The following SMYD1 variants were observed in gnomAD, a reference collection of about 807,000 sequenced individuals.
The protein encoded by SMYD1 is SET and MYND domain containing 1.
Under a neutral mutation model 54.0 loss-of-function variants are expected in SMYD1, and 49 were observed. The observed-to-expected ratio is 0.91, with a 90% CI of 0.72 to 1.15. The LOEUF (loss-of-function observed/expected upper bound fraction) is 1.15. SMYD1 is among the 50% of genes most tolerant of loss of function. The probability of loss-of-function intolerance (pLI) is 0.00; values close to 1 mark genes in which losing one functional copy is unlikely to be tolerated. For synonymous variants in SMYD1, 269 were observed against 234.2 expected (o/e 1.15, Z -1.36); for missense variants, 653 against 639.6 (o/e 1.02, Z -0.23).
chr2:88,093,120 A>G (rs1244571651), intron 4 of SMYD1, among the ~76,000 whole-genome samples: 3 of 152,210 alleles, frequency 2.0e-5, no homozygotes. Context: ...ACTCTTTCCA[A>G]GACAGACATC....
At chr2:88,102,686 G>A (rs1674746607) in intron 6 of SMYD1, among the ~76,000 whole-genome samples, 1 of 152,198 alleles carries the variant, frequency 6.6e-6, no homozygotes, top group Admixed American at 6.5e-5. Flanking sequence ...TGGAATATGT[G>A]GTTGACTTGA....
At chr2:88,089,324 A>G (rs527285008) in intron 3 of SMYD1, among the ~76,000 whole-genome samples, 22 of 152,320 alleles carry the variant, frequency 1.4e-4, no homozygotes, top group African/African-American at 5.1e-4. Flanking sequence ...ACAGAAGCAT[A>G]CATTATAGTA....
Position 88,091,056 on chromosome 2 carries a change from G to A in SMYD1, c.573G>A (p.Gln191=). The part of the protein sequence containing the change: ...GFTLSDQRGL[Q]AVGVGIFPNL... ...CTCTCAGTGATCAGAGAGGCCTGCA[G>A]GCCGTGGGCGTAGGCATCTTCCCCA... is the stretch of plus-strand genomic sequence containing the variant. Residue 191 remains glutamine (Q), a synonymous_variant, in exon 4 of 10, where the codon CAG becomes CAA. Coordinates refer to ENST00000419482, the MANE Select transcript of SMYD1 (RefSeq NM_198274.4). 1 of 1,614,152 alleles carries A rather than the reference G, an allele frequency of 6.2e-7. No individual in the cohort carries two copies. The highest frequency in any genetic ancestry group is 8.5e-7 in the Non-Finnish European group (1 of 1,180,004).
chr2:88,106,242 G>T, intron 7 of SMYD1, 83 bp from the exon 8 acceptor site: 1 of 1,531,790 alleles, frequency 6.5e-7, no homozygotes, highest in Non-Finnish European at 8.9e-7. Flanking sequence ...ATGATTGTCT[G>T]GTATCACCAT....
chr2:88,083,647 C>T (rs140094792), intron 1 of SMYD1, among the ~76,000 whole-genome samples: 2 of 152,290 alleles, frequency 1.3e-5, no homozygotes, highest in Admixed American at 6.5e-5. Flanking sequence ...TTCTGAATAA[C>T]ACTAGTTCAC....
Position 88,105,194 on chromosome 2 carries a change from T to C in SMYD1, c.982-1131T>C, listed in dbSNP as rs148158176. On this transcript the variant is annotated intron_variant, in intron 7 of 9. Coordinates refer to ENST00000419482, the MANE Select transcript of SMYD1 (RefSeq NM_198274.4). ...ACAGGAATGGTGGTGAAGCTGCGGC[T>C]CAACTGCTTGGTTTCAGTGCTTGAT... Among the ~76,000 whole-genome samples, 477 of 152,328 alleles carry C rather than the reference T, an allele frequency of 3.1e-3. 5 individuals carry two copies. The highest frequency in any genetic ancestry group is 0.01 in the African/African-American group (433 of 41,574).
chr2:88,103,223 T>C (rs1674766668), intron 7 of SMYD1, 73 bp downstream of exon 7: 2 of 1,147,160 alleles, frequency 1.7e-6, no homozygotes, highest in African/African-American at 3.1e-5. Flanking sequence ...GGGAGGGAAG[T>C]GGCGTGAGAA....
rs1473310430 is a variant in SMYD1 at position 88,110,716 on chromosome 2, G to C, written c.*204G>C. ...TTCAAGTTAACTCTAGCCCAGCCCA[G>C]ATCAACTCCTCCTACAAATATTATT... On this transcript the variant is annotated 3_prime_UTR_variant, in exon 10 of 10. Transcript: ENST00000419482. The C allele has an allele frequency of 1.1e-5, 6 of 524,240 alleles. No individual in the cohort carries two copies. The highest frequency in any genetic ancestry group is 1.9e-5 in the Non-Finnish European group (6 of 313,558). The allele number at this position is 524,240 out of a possible 1,614,324, so 32.5% of individuals were successfully genotyped here.
At chr2:88,088,211 A>G (rs1674384892) in intron 3 of SMYD1, 136 bp downstream of exon 3, 18 of 1,038,282 alleles carry the variant, frequency 1.7e-5, no homozygotes, top group Non-Finnish European at 2.4e-5. Flanking sequence ...CCTGATTTCT[A>G]TTTCCATAAA....
intron 1 of SMYD1, among the ~76,000 whole-genome samples, chr2:88,081,652 T>A (rs922738223): frequency 3.3e-5 from 5 of 152,038 alleles, no homozygotes; most frequent in African/African-American, 1.2e-4. Context: ...GCCAGGCTGT[T>A]CTCAAACTTC....
In SMYD1 at chr2:88,110,234, T is replaced by TGTGTGTGTGTGTGTGTGG. The variant is rs35206605; in HGVS notation, c.1315-120_1315-119insGTGTGTGTGTGTGTGTGG. On this transcript the variant is annotated intron_variant, in intron 9 of 9. Coordinates refer to ENST00000419482, the MANE Select transcript of SMYD1 (RefSeq NM_198274.4). ...GTGTGTGTGTGTGTGTGTGTGTGTG[T>TGTGTGTGTGTGTGTGTGG]ATTCTGAGGGGGTAGAGTTGAATCT... 4 of 1,021,506 alleles carry TGTGTGTGTGTGTGTGTGG rather than the reference T, an allele frequency of 3.9e-6. No homozygotes were observed. The African/African-American group carries it at 6.6e-5, about 17-fold the overall frequency. 63.3% of individuals were successfully genotyped at this position (1,021,506 alleles called of 1,614,324 possible).
At position 88,084,472 on chromosome 2, in the gene SMYD1, G is replaced by C. The variant is rs368545680; in HGVS notation, c.294G>C (p.Lys98Asn). The change falls in exon 2 of 10, where the codon AAG becomes AAC. Residue 98 changes from lysine to asparagine, a missense_variant. Physicochemically the swap from Lys to Asn is moderately conservative, Grantham distance 94 (BLOSUM62 0). Coordinates refer to ENST00000419482, the MANE Select transcript of SMYD1 (RefSeq NM_198274.4). ...NECSAIKRYG[K>N]VPNENIRLAA... ...GTTCGGCCATCAAGAGATATGGGAA[G>C]GTGCCCAATGAGAACATCAGGTGAG... 1 of 1,589,956 alleles carries C rather than the reference G, an allele frequency of 6.3e-7. No homozygotes were observed. The highest frequency in any genetic ancestry group is 8.6e-7 in the Non-Finnish European group (1 of 1,160,466).
chr2:88,087,664 C>G (rs1026003879), intron 2 of SMYD1, among the ~76,000 whole-genome samples, 198 bp from the exon 3 acceptor site: 20 of 152,192 alleles, frequency 1.3e-4, no homozygotes, highest in African/African-American at 4.6e-4. Context: ...CTGCATAGCA[C>G]TTTCTATGTA....
At chr2:88,081,618 T>C (rs1159396885) in intron 1 of SMYD1, among the ~76,000 whole-genome samples, 1 of 151,978 alleles carries the variant, frequency 6.6e-6, no homozygotes, top group African/African-American at 2.4e-5. Flanking sequence ...GTATTTTTAG[T>C]AGAGACAGGG....
In SMYD1 at chr2:88,103,237, G is replaced by A. The variant is rs1022480134; in HGVS notation, c.981+87G>A. On this transcript the variant is annotated intron_variant, in intron 7 of 9. Transcript: ENST00000419482. ...AGGGAGGGAAGTGGCGTGAGAACGGGCGGCGGGGGAGGGGGGCTACCAAGC... is the reference window on the plus strand; with the variant it reads ...AGGGAGGGAAGTGGCGTGAGAACGGACGGCGGGGGAGGGGGGCTACCAAGC... 5.5e-5 allele frequency: 59 copies of A among 1,073,122 alleles called. No individual in the cohort carries two copies. The African/African-American group carries it at 6.8e-4, about 12-fold the overall frequency. 66.5% of individuals were successfully genotyped at this position (1,073,122 alleles called of 1,614,324 possible). A position where few individuals can be genotyped will look rare whatever the true frequency, so the allele number is the denominator to read the frequency against.
In SMYD1 at chr2:88,109,996, C is replaced by T. The variant is rs111363265; in HGVS notation, c.1315-358C>T. ...GCCACAAAATGGGTGAGAAAACTGA[C>T]GGCTGAAGCGATTATGTCTCTTGCC... On this transcript the variant is annotated intron_variant, in intron 9 of 9. Transcript: ENST00000419482. 5.8e-3 allele frequency among the ~76,000 whole-genome samples: 890 copies of T among 152,280 alleles called. 10 individuals carry two copies. Among genetic ancestry groups the T allele is most frequent in the African/African-American group, 0.021 (852 of 41,544 alleles).
intron 7 of SMYD1, 93 bp downstream of exon 7, chr2:88,103,243 G>A: frequency 1.1e-6 from 1 of 910,530 alleles, no homozygotes; most frequent in East Asian, 2.5e-5. Flanking sequence ...ACGGGCGGCG[G>A]GGGAGGGGGG....
Position 88,110,386 on chromosome 2 carries a change from C to A in SMYD1, c.1347C>A (p.Arg449=). The part of the protein sequence containing the change: ...AMRVQTEMEL[R]MFRQNEFMYY... ...GGGTGCAGACGGAGATGGAGCTACG[C>A]ATGTTCCGCCAGAACGAATTCATGT... is the stretch of plus-strand genomic sequence containing the variant. Residue 449 remains arginine (R), a synonymous_variant, in exon 10 of 10, where the codon CGC becomes CGA. Transcript: ENST00000419482. 1 of 1,612,868 alleles carries A rather than the reference C, an allele frequency of 6.2e-7. No individual in the cohort carries two copies. Among genetic ancestry groups the A allele is most frequent in the Non-Finnish European group, 8.5e-7 (1 of 1,179,484 alleles).
At position 88,099,718 on chromosome 2, in the gene SMYD1, A is replaced by G. The variant is rs191381107; in HGVS notation, c.888+2934A>G. Among the ~76,000 whole-genome samples, 996 of 151,478 alleles carry G rather than the reference A, an allele frequency of 6.6e-3. 11 individuals carry two copies. Among genetic ancestry groups the G allele is most frequent in the African/African-American group, 0.022 (924 of 41,290 alleles). On this transcript the variant is annotated intron_variant, in intron 6 of 9. Coordinates refer to ENST00000419482, the MANE Select transcript of SMYD1 (RefSeq NM_198274.4). Reference sequence around the variant, plus strand: ...AGCCTGGGCGACAGAGCGAGATTCCATCTCAAAAAAAAAAAGAAGAAGAAA... The same window carrying G: ...AGCCTGGGCGACAGAGCGAGATTCCGTCTCAAAAAAAAAAAGAAGAAGAAA...
Sources: allele counts gnomAD v4.1 joint callset (sites outside exome capture counted in the v4.1 genomes callset), GRCh38; gene constraint gnomAD v4.1.1; transcripts MANE v1.5; gene names NCBI Gene and HGNC (gene_info 2026-07-23, HGNC 2026-07-21).